PCDH17: variants seen among roughly 807,000 people sequenced by gnomAD.
The protein encoded by PCDH17 is protocadherin 17.
In PCDH17, 21 loss-of-function variants were observed where a neutral mutation model predicts 67.7. The observed-to-expected ratio is 0.31, with a 90% CI of 0.22 to 0.45. The LOEUF is 0.45. Among genes scored for constraint, PCDH17 ranks in the 20% least tolerant of loss-of-function variants. The pLI, the probability that PCDH17 is intolerant of heterozygous loss-of-function variation, is 1.00. For missense variants in PCDH17, 1,471 were observed against 1,564.8 expected, an observed-to-expected ratio of 0.94 and a Z score of 1.01; for synonymous variants, 701 against 656.7, an observed-to-expected ratio of 1.07 and a Z score of -1.03.
intron 3 of PCDH17, among the ~76,000 whole-genome samples, chr13:57,671,010 A>AT (rs1303038303): frequency 6.6e-6 from 1 of 151,830 alleles, no homozygotes; most frequent in African/African-American, 2.4e-5. Flanking sequence ...GAAAGAGGTT[A>AT]TTTTTTCTTT....
chr13:57,706,144 T>G (rs1955719240), intron 3 of PCDH17, among the ~76,000 whole-genome samples: 1 of 152,136 alleles, frequency 6.6e-6, no homozygotes, highest in Admixed American at 6.6e-5. Context: ...AAATAGTGAT[T>G]AATTTGTAGA....
intron 3 of PCDH17, among the ~76,000 whole-genome samples, chr13:57,682,313 T>G (rs1433535263): frequency 1.3e-5 from 2 of 151,694 alleles, no homozygotes; most frequent in Non-Finnish European, 2.9e-5. Flanking sequence ...TCACCCCCAG[T>G]GTATCTCCCT....
Position 57,633,137 on chromosome 13 carries a change from C to A in PCDH17, c.591C>A (p.Ile197=). The A allele has an allele frequency of 1.2e-6, 2 of 1,613,546 alleles. No homozygotes were observed. The highest frequency in any genetic ancestry group is 2.7e-5 in the African/African-American group (2 of 75,032). Residue 197 remains isoleucine (I), a synonymous_variant, in exon 1 of 4, where the codon ATC becomes ATA. Coordinates refer to ENST00000377918, the MANE Select transcript of PCDH17 (RefSeq NM_001040429.3). This position sits in a 1 kb window ranked among gnomAD's most constrained non-coding sequence, Gnocchi z 6.2. The part of the protein sequence containing the change: ...GDGTKFPELV[I]QKALDREQQN... ...GCACCAAGTTCCCAGAACTGGTCAT[C>A]CAGAAGGCTCTGGACCGCGAGCAAC...
At chr13:57,635,713 C>A (rs1954815103) in intron 1 of PCDH17, among the ~76,000 whole-genome samples, 1 of 152,174 alleles carries the variant, frequency 6.6e-6, no homozygotes, top group South Asian at 2.1e-4. Flanking sequence ...GGTAAAACTG[C>A]AGCATAATGC....
In PCDH17 at chr13:57,670,580, AT is replaced by A. The variant is rs990071655; in HGVS notation, c.2797+3753del. 6.8e-4 allele frequency among the ~76,000 whole-genome samples: 101 copies of A among 149,364 alleles called. 3 individuals carry two copies. Among genetic ancestry groups the A allele is most frequent in the Admixed American group, 3.5e-3 (53 of 15,008 alleles). ...TAGAATATAATTTAAAAATATATAT[AT>A]TTTTTCCAATTTAAATGATCTCATT... On this transcript the variant is annotated intron_variant, in intron 3 of 3. Coordinates refer to ENST00000377918, the MANE Select transcript of PCDH17 (RefSeq NM_001040429.3).
intron 3 of PCDH17, among the ~76,000 whole-genome samples, chr13:57,704,205 TG>T (rs1409374642): frequency 1.5e-4 from 23 of 152,134 alleles, no homozygotes; most frequent in Admixed American, 1.5e-3. Context: ...TGTGCCATTT[TG>T]TTTTGACATC....
chr13:57,671,082 G>C (rs754350535), intron 3 of PCDH17, among the ~76,000 whole-genome samples: 9 of 151,650 alleles, frequency 5.9e-5, no homozygotes, highest in Non-Finnish European at 1.2e-4. Context: ...TTGCATGTTT[G>C]TGCCCTAGTT....
intron 3 of PCDH17, among the ~76,000 whole-genome samples, chr13:57,715,649 A>G (rs931571817): frequency 2.0e-5 from 3 of 151,850 alleles, no homozygotes; most frequent in Non-Finnish European, 2.9e-5. Context: ...AACCTTTTCA[A>G]TGGTGTATCA....
chr13:57,722,550 AGTAG>A (rs1164189856), intron 3 of PCDH17, among the ~76,000 whole-genome samples: 1 of 152,152 alleles, frequency 6.6e-6, no homozygotes, highest in Non-Finnish European at 1.5e-5. Flanking sequence ...TCCCATTTAG[AGTAG>A]GTAAAGGAAA....
chr13:57,721,896 C>A (rs1001471054), intron 3 of PCDH17, among the ~76,000 whole-genome samples: 1 of 151,808 alleles, frequency 6.6e-6, no homozygotes, highest in African/African-American at 2.4e-5. Context: ...TATGTTTTTT[C>A]AAAAATGATT....
At chr13:57,667,773 A>G (rs1207439071) in intron 3 of PCDH17, among the ~76,000 whole-genome samples, 3 of 150,714 alleles carry the variant, frequency 2.0e-5, no homozygotes, top group Admixed American at 6.6e-5. Context: ...GTTCTATTAT[A>G]TATATACCTC....
In PCDH17 at chr13:57,712,883, G is replaced by C. The variant is rs139311236; in HGVS notation, c.2798-11729G>C. ...TTTAGGAATGCACTTCACTCTTACT[G>C]TCTGTTCTTTGCTCTGGGTATGGCT... On this transcript the variant is annotated intron_variant, in intron 3 of 3. Coordinates refer to ENST00000377918, the MANE Select transcript of PCDH17 (RefSeq NM_001040429.3). Among the ~76,000 whole-genome samples the C allele has an allele frequency of 1.2e-3, 182 of 151,530 alleles. 2 individuals carry two copies. Among genetic ancestry groups the C allele is most frequent in the Middle Eastern group, 6.8e-3 (2 of 294 alleles).
intron 1 of PCDH17, among the ~76,000 whole-genome samples, chr13:57,661,372 A>G (rs1955181727): frequency 6.6e-6 from 1 of 152,118 alleles, no homozygotes; most frequent in Non-Finnish European, 1.5e-5. Flanking sequence ...AGTTCGTTAT[A>G]CAGTCTGCAT....
Position 57,633,978 on chromosome 13 carries a change from G to C in PCDH17, c.1432G>C (p.Val478Leu), listed in dbSNP as rs1194428171. The change falls in exon 1 of 4, where the codon GTG becomes CTG. Residue 478 changes from valine (V) to leucine (L), a missense_variant. Coordinates refer to ENST00000377918, the MANE Select transcript of PCDH17 (RefSeq NM_001040429.3). This position sits in a 1 kb window ranked among gnomAD's most constrained non-coding sequence, Gnocchi z 6.2. ...GCCTCGGTTCACCAAAGGGCTCTAC[G>C]TGCTTCAGGTGCACGAGAACAACAT... is the stretch of plus-strand genomic sequence containing the variant. The part of the protein sequence containing the change: ...NPPRFTKGLY[V>L]LQVHENNIPG... 1.2e-6 allele frequency: 2 copies of C among 1,613,514 alleles called. No homozygotes were observed. The highest frequency in any genetic ancestry group is 1.7e-6 in the Non-Finnish European group (2 of 1,180,046).
chr13:57,689,782 G>A (rs1034030332), intron 3 of PCDH17, among the ~76,000 whole-genome samples: 2 of 151,758 alleles, frequency 1.3e-5, no homozygotes, highest in Non-Finnish European at 2.9e-5. Context: ...GTTCAACTCC[G>A]TATTCAGAAC....
intron 3 of PCDH17, among the ~76,000 whole-genome samples, chr13:57,680,065 A>T (rs74079917): frequency 1.9e-3 from 287 of 151,474 alleles, no homozygotes; most frequent in African/African-American, 6.5e-3. Flanking sequence ...GTTTGCCTTC[A>T]AAGTGTTTTG....
intron 3 of PCDH17, among the ~76,000 whole-genome samples, chr13:57,682,533 C>G (rs1032217322): frequency 2.0e-5 from 3 of 151,848 alleles, no homozygotes; most frequent in African/African-American, 7.2e-5. Flanking sequence ...GTCACCCCTG[C>G]TAGCTCACTC....
In PCDH17 at chr13:57,633,628, T is replaced by C; in HGVS notation, c.1082T>C (p.Leu361Pro). 3.7e-6 allele frequency: 6 copies of C among 1,610,388 alleles called. No individual in the cohort carries two copies. Among genetic ancestry groups the C allele is most frequent in the Non-Finnish European group, 5.1e-6 (6 of 1,180,024 alleles). ...TTCGTCTCCGTGCGCCAGGGGGCGC[T>C]GAGCGAGGCCGCCCCTCCCGGCACC... ...IGFVSVRQGALSEAAPPGTVI... is the reference protein window; with the variant it reads ...IGFVSVRQGAPSEAAPPGTVI... Residue 361 changes from leucine to proline, a missense_variant, in exon 1 of 4, where the codon CTG becomes CCG. By Grantham distance (98) the Leu-to-Pro change is moderately conservative. Coordinates refer to ENST00000377918, the MANE Select transcript of PCDH17 (RefSeq NM_001040429.3). This position sits in a 1 kb window ranked among gnomAD's most constrained non-coding sequence, Gnocchi z 6.2.
In PCDH17 at chr13:57,645,037, A is replaced by G. The variant is rs556116734; in HGVS notation, c.2565+9926A>G. 4.6e-5 allele frequency among the ~76,000 whole-genome samples: 7 copies of G among 151,696 alleles called. No individual in the cohort carries two copies. The East Asian group carries it at 9.7e-4, about 21-fold the overall frequency. ...AAAGTGCAGTAAAAAATATATTAATACTGGTGGATAACAAGAAATTTAACA... is the reference window on the plus strand; with the variant it reads ...AAAGTGCAGTAAAAAATATATTAATGCTGGTGGATAACAAGAAATTTAACA... On this transcript the variant is annotated intron_variant, in intron 1 of 3. Transcript: ENST00000377918.
Sources: gnomAD v4.1 joint callset for allele counts (sites outside exome capture counted in the v4.1 genomes callset) on GRCh38, gnomAD v4.1.1 for gene constraint, Gnocchi (gnomAD v3.1) non-coding constraint, MANE v1.5 for transcripts, NCBI Gene and HGNC (gene_info 2026-07-23, HGNC 2026-07-21) for gene names.